SCGB1D4: variants seen among roughly 807,000 people sequenced by gnomAD.
SCGB1D4 encodes secretoglobin family 1D member 4.
SCGB1D4 carries 6 observed loss-of-function variants against 8.1 expected under a neutral mutation model. The observed-to-expected ratio is 0.74, with a 90% CI of 0.40 to 1.45. The LOEUF is 1.45. Among genes scored for constraint, SCGB1D4 ranks in the 40% most tolerant of loss-of-function variants. SCGB1D4 has a pLI of 0.02. For missense variants in SCGB1D4, 93 were observed against 95.0 expected, an observed-to-expected ratio of 0.98 and a Z score of 0.09; for synonymous variants, 34 against 38.1, an observed-to-expected ratio of 0.89 and a Z score of 0.39.
chr11:62,296,411 T>C lies in SCGB1D4; in HGVS notation c.251A>G (p.Ter84TrpextTer1). ...CATGTCACACACCACATTTTTTCAC[T>C]ATTTCCACCTGAAATCAAAAAAAAG... ...RLSLKKSWWK[*>W] Residue 84 changes from the stop codon to tryptophan, a stop_lost, in exon 3 of 3, where the codon TAG becomes TGG. Transcript: ENST00000358585. 6.2e-7 allele frequency: 1 copy of C among 1,609,862 alleles called. No individual in the cohort carries two copies. The highest frequency in any genetic ancestry group is 2.2e-5 in the East Asian group (1 of 44,796).
chr11:62,298,059 T>G (rs574772094), intron 1 of SCGB1D4, among the ~76,000 whole-genome samples: 15 of 149,144 alleles, frequency 1.0e-4, no homozygotes, highest in African/African-American at 3.0e-4. Context: ...TTGTTTTGTT[T>G]TTTTTTTTTG....
chr11:62,297,419 G>T (rs1945449017), intron 2 of SCGB1D4, 53 bp downstream of exon 2: 2 of 1,338,620 alleles, frequency 1.5e-6, no homozygotes, highest in South Asian at 1.3e-5. Context: ...CATGCAGGAG[G>T]CTGTGTGCAG....
chr11:62,298,662 G>T (rs1644256599), intron 1 of SCGB1D4, among the ~76,000 whole-genome samples: 1 of 151,262 alleles, frequency 6.6e-6, no homozygotes, highest in African/African-American at 2.4e-5. Context: ...GGAAGGCTGA[G>T]GCAGGAGAAT....
Position 62,297,498 on chromosome 11 carries a change from C to A in SCGB1D4, c.216G>T (p.Lys72Asn). The change falls in exon 2 of 3, where the codon AAG (lysine) becomes AAT (asparagine). Residue 72 changes from lysine (K) to asparagine (N), a missense_variant. Lys to Asn is a moderately conservative substitution (Grantham distance 94). Transcript: ENST00000358585. Reference protein sequence around the residue: ...VKHCTDQISFKKRLSLKKSWW... With the variant: ...VKHCTDQISFNKRLSLKKSWW... The stretch of plus-strand genomic sequence containing the variant: ...AGGACTTTTTCAATGAGAGTCGTTT[C>A]TTAAAAGATATCTGATCGGTGCAGT... 1.9e-6 allele frequency: 3 copies of A among 1,551,442 alleles called. No individual in the cohort carries two copies. The highest frequency in any genetic ancestry group is 2.6e-6 in the Non-Finnish European group (3 of 1,139,384).
In SCGB1D4 at chr11:62,296,517, C is replaced by T. The variant is rs554519327; in HGVS notation, c.243-98G>A. 2.3e-5 allele frequency: 30 copies of T among 1,282,136 alleles called. 1 individual carries two copies. In the East Asian group the frequency reaches 2.6e-4, roughly 11 times the overall value. The allele number at this position is 1,282,136 out of a possible 1,614,324, so 79.4% of individuals were successfully genotyped here. A position where few individuals can be genotyped will look rare whatever the true frequency, so the allele number is the denominator to read the frequency against. On this transcript the variant is annotated intron_variant, in intron 2 of 2. Transcript: ENST00000358585. The stretch of plus-strand genomic sequence containing the variant: ...CATCAAAGAGGCCAATGGGATTTTG[C>T]CCCAATGGCAATTGGAAAGGCAGAG...
In SCGB1D4 at chr11:62,296,384, T is replaced by G. The variant is rs1432103248; in HGVS notation, c.*26A>C. The G allele has an allele frequency of 1.9e-6, 3 of 1,609,528 alleles. No individual in the cohort carries two copies. Among genetic ancestry groups the G allele is most frequent in the African/African-American group, 1.3e-5 (1 of 74,942 alleles). On this transcript the variant is annotated 3_prime_UTR_variant, in exon 3 of 3. Coordinates refer to ENST00000358585, the MANE Select transcript of SCGB1D4 (RefSeq NM_206998.2). ...CTTTGGAAACCAGGTTGAGCATTTT[T>G]ACATGTCACACACCACATTTTTTCA... is the stretch of plus-strand genomic sequence containing the variant.
intron 1 of SCGB1D4, among the ~76,000 whole-genome samples, chr11:62,298,022 G>A (rs1279391181): frequency 6.8e-6 from 1 of 146,730 alleles, no homozygotes; most frequent in East Asian, 2.0e-4. Flanking sequence ...GTGTGTGTGT[G>A]TGTGTGTGTG....
rs200014661 is a variant in SCGB1D4 at position 62,297,456 on chromosome 11, A to C, written c.242+16T>G. 18 of 1,598,416 alleles carry C rather than the reference A, an allele frequency of 1.1e-5. No individual in the cohort carries two copies. The African/African-American group carries it at 2.4e-4, about 21-fold the overall frequency. On this transcript the variant is annotated intron_variant, in intron 2 of 2. Transcript: ENST00000358585. ...TGAGTTGAATTCTGCCTCTGCATAA[A>C]GGAGAAAGAAATTACCAGGACTTTT... is the stretch of plus-strand genomic sequence containing the variant.
intron 2 of SCGB1D4, among the ~76,000 whole-genome samples, chr11:62,296,969 G>C (rs1004877749): frequency 6.6e-6 from 1 of 152,226 alleles, no homozygotes; most frequent in African/African-American, 2.4e-5. Context: ...TGGAATCTCT[G>C]ATTTCTTGAG....
At position 62,299,068 on chromosome 11, in the gene SCGB1D4, A is replaced by ATGACTACACAGGCTCCT; in HGVS notation, c.-59_-58insAGGAGCCTGTGTAGTCA. The ATGACTACACAGGCTCCT allele has an allele frequency of 6.3e-7, 1 of 1,580,716 alleles. No homozygotes were observed. The highest frequency in any genetic ancestry group is 8.6e-7 in the Non-Finnish European group (1 of 1,156,488). ...CAATGAGTGATTTGGATTCGACTCC[A>ATGACTACACAGGCTCCT]GGAGCCTGTGTAGTCATGGAGGCCA... On this transcript the variant is annotated 5_prime_UTR_variant, in exon 1 of 3. The change creates a new upstream start codon in the 5' untranslated region. Transcript: ENST00000358585.
chr11:62,298,045 TG>T (rs1945458167), intron 1 of SCGB1D4, among the ~76,000 whole-genome samples: 6 of 120,354 alleles, frequency 5.0e-5, no homozygotes, highest in East Asian at 5.0e-4. Context: ...TGTGTGTGTG[TG>T]TTTTGTTTTG....
At position 62,297,645 on chromosome 11, in the gene SCGB1D4, G is replaced by A. The variant is rs1409929320; in HGVS notation, c.69C>T (p.Val23=). The A allele has an allele frequency of 2.5e-6, 4 of 1,612,720 alleles. No homozygotes were observed. The South Asian group carries it at 3.3e-5, about 13-fold the overall frequency. ...ALCCYQAHAL[V]CPAVASEITV... ...TGATCTCAGAAGCAACAGCTGGGCA[G>A]ACAAGAGCATGGGCTGCAGCACAAA... Residue 23 remains valine, a synonymous_variant, in exon 2 of 3, where the codon GTC becomes GTT. Coordinates refer to ENST00000358585, the MANE Select transcript of SCGB1D4 (RefSeq NM_206998.2).
chr11:62,297,140 AG>A (rs1945446844), intron 2 of SCGB1D4, among the ~76,000 whole-genome samples: 1 of 152,176 alleles, frequency 6.6e-6, no homozygotes, highest in East Asian at 1.9e-4. Flanking sequence ...GAAGCTGCAC[AG>A]GAGCCCAGTT....
intron 1 of SCGB1D4, 89 bp from the exon 2 acceptor site, chr11:62,297,747 T>A: frequency 9.5e-7 from 1 of 1,053,238 alleles, no homozygotes; most frequent in Non-Finnish European, 1.4e-6. Context: ...CAGGATCCCC[T>A]GGGTTCTATG....
chr11:62,298,880 C>A (rs1454558115), intron 1 of SCGB1D4, 76 bp downstream of exon 1: 1 of 1,476,908 alleles, frequency 6.8e-7, no homozygotes, highest in Non-Finnish European at 9.3e-7. Context: ...CAACCCAAAG[C>A]ACAAATAGGT....
rs1319122910 is a variant in SCGB1D4 at position 62,297,737 on chromosome 11, C to G, written c.56-79G>C. 6 of 1,180,642 alleles carry G rather than the reference C, an allele frequency of 5.1e-6. No homozygotes were observed. The East Asian group carries it at 7.1e-5, about 14-fold the overall frequency. The allele number at this position is 1,180,642 out of a possible 1,614,324, so 73.1% of individuals were successfully genotyped here. A position where few individuals can be genotyped will look rare whatever the true frequency, so the allele number is the denominator to read the frequency against. ...CATGGCTCCCTGAGGTTACACCAGA[C>G]AGGATCCCCTGGGTTCTATGTTTCT... On this transcript the variant is annotated intron_variant, in intron 1 of 2. Coordinates refer to ENST00000358585, the MANE Select transcript of SCGB1D4 (RefSeq NM_206998.2).
Position 62,299,072 on chromosome 11 carries a change from G to A in SCGB1D4, c.-62C>T, listed in dbSNP as rs1204274024. On this transcript the variant is annotated 5_prime_UTR_variant, in exon 1 of 3. Transcript: ENST00000358585. ...GAGTGATTTGGATTCGACTCCAGGA[G>A]CCTGTGTAGTCATGGAGGCCAGGGC... The A allele has an allele frequency of 6.4e-7, 1 of 1,555,944 alleles. No individual in the cohort carries two copies. The highest frequency in any genetic ancestry group is 2.3e-5 in the East Asian group (1 of 44,024).
In SCGB1D4 at chr11:62,296,409, A is replaced by G; in HGVS notation, c.*1T>C. The G allele has an allele frequency of 6.2e-7, 1 of 1,611,000 alleles. No homozygotes were observed. On this transcript the variant is annotated 3_prime_UTR_variant, in exon 3 of 3. Transcript: ENST00000358585. ...TACATGTCACACACCACATTTTTTC[A>G]CTATTTCCACCTGAAATCAAAAAAA...
chr11:62,296,436 G>A lies in SCGB1D4; in HGVS notation c.243-17C>T, dbSNP rs1945442036. ...TATTTCCACCTGAAATCAAAAAAAA[G>A]AAAGAAAGAAAGAAAGGTGAGGTCA... On this transcript the variant is annotated splice_polypyrimidine_tract_variant and intron_variant, in intron 2 of 2. Coordinates refer to ENST00000358585, the MANE Select transcript of SCGB1D4 (RefSeq NM_206998.2). 1 of 1,547,250 alleles carries A rather than the reference G, an allele frequency of 6.5e-7. No individual in the cohort carries two copies. Among genetic ancestry groups the A allele is most frequent in the Non-Finnish European group, 8.9e-7 (1 of 1,126,688 alleles).
Sources: gnomAD v4.1 joint callset for allele counts (sites outside exome capture counted in the v4.1 genomes callset) on GRCh38, gnomAD v4.1.1 for gene constraint, MANE v1.5 for transcripts, NCBI Gene and HGNC (gene_info 2026-07-23, HGNC 2026-07-21) for gene names.